The following GRID2 variants were observed in gnomAD, a reference collection of about 807,000 sequenced individuals.
The protein encoded by GRID2 is glutamate ionotropic receptor delta type subunit 2.
A neutral mutation model predicts 114.8 loss-of-function variants in GRID2; 33 were observed. The ratio of observed to expected loss-of-function variants is 0.29; its 90% CI spans 0.22 to 0.38. The LOEUF is 0.38. Ranked by LOEUF, GRID2 falls within the 10% of genes least tolerant of loss-of-function variation. GRID2 has a pLI of 1.00. For missense variants in GRID2, 1,184 were observed against 1,257.7 expected, an observed-to-expected ratio of 0.94 and a Z score of 0.89; for synonymous variants, 505 against 449.9, an observed-to-expected ratio of 1.12 and a Z score of -1.55.
chr4:92,758,481 A>G (rs1737836356), intron 2 of GRID2, among the ~76,000 whole-genome samples: 1 of 152,030 alleles, frequency 6.6e-6, no homozygotes, highest in African/African-American at 2.4e-5. Context: ...TGAACTTTTG[A>G]GTCAAATAGG....
intron 2 of GRID2, among the ~76,000 whole-genome samples, chr4:92,858,931 C>CT (rs1255441293): frequency 2.6e-5 from 4 of 152,248 alleles, no homozygotes; most frequent in African/African-American, 9.6e-5. Flanking sequence ...GGTGAATATA[C>CT]TTTGAACATT....
At chr4:93,423,760 C>T (rs1450042269) in intron 10 of GRID2, among the ~76,000 whole-genome samples, 3 of 152,054 alleles carry the variant, frequency 2.0e-5, no homozygotes, top group Non-Finnish European at 4.4e-5. Flanking sequence ...GAATCTGCTT[C>T]AGTTTTTTGA....
chr4:93,715,852 A>G (rs1728859717), intron 14 of GRID2, among the ~76,000 whole-genome samples: 1 of 152,166 alleles, frequency 6.6e-6, no homozygotes, highest in Non-Finnish European at 1.5e-5. Flanking sequence ...GGTTTTCTAG[A>G]TATAGAATCA....
At chr4:93,725,653 T>A (rs1729801540) in intron 14 of GRID2, among the ~76,000 whole-genome samples, 1 of 148,072 alleles carries the variant, frequency 6.8e-6, no homozygotes, top group Non-Finnish European at 1.5e-5. Flanking sequence ...CTTTGTTCCC[T>A]GACTTTTTAA....
chr4:93,070,492 A>G (rs2149304444), intron 2 of GRID2, among the ~76,000 whole-genome samples: 1 of 152,234 alleles, frequency 6.6e-6, no homozygotes, highest in African/African-American at 2.4e-5. Context: ...GATTATCAAA[A>G]AATTGTAATA....
chr4:93,196,354 C>T (rs941360454), intron 4 of GRID2, among the ~76,000 whole-genome samples: 1 of 152,154 alleles, frequency 6.6e-6, no homozygotes. Flanking sequence ...GGAAGACGGA[C>T]ATGGAAATTC....
chr4:93,733,720 C>T (rs888224439), intron 14 of GRID2, among the ~76,000 whole-genome samples: 2 of 151,990 alleles, frequency 1.3e-5, no homozygotes, highest in African/African-American at 2.4e-5. Context: ...AAAAAGTAAC[C>T]ACAGATTAGA....
chr4:92,745,119 T>G (rs1213692823), intron 2 of GRID2, among the ~76,000 whole-genome samples: 1 of 152,166 alleles, frequency 6.6e-6, no homozygotes, highest in Non-Finnish European at 1.5e-5. Context: ...AAACATAACA[T>G]GAGTGGAAAC....
intron 14 of GRID2, among the ~76,000 whole-genome samples, chr4:93,692,014 G>T (rs1038614777): frequency 1.3e-5 from 2 of 151,874 alleles, no homozygotes; most frequent in African/African-American, 2.4e-5. Context: ...GCTCAGTATT[G>T]TTCTAGGAAT....
At chr4:93,654,494 G>A (rs1258425484) in intron 14 of GRID2, among the ~76,000 whole-genome samples, 1 of 152,066 alleles carries the variant, frequency 6.6e-6, no homozygotes, top group Non-Finnish European at 1.5e-5. Context: ...GTCACAGCAG[G>A]CTTTTTCTGA....
intron 2 of GRID2, among the ~76,000 whole-genome samples, chr4:92,722,368 G>C (rs891377833): frequency 6.6e-6 from 1 of 152,072 alleles, no homozygotes; most frequent in Non-Finnish European, 1.5e-5. Context: ...CAGAGTGGGA[G>C]CCTTACCTCA....
At chr4:93,257,000 G>A (rs1242840849) in intron 8 of GRID2, among the ~76,000 whole-genome samples, 1 of 151,744 alleles carries the variant, frequency 6.6e-6, no homozygotes, top group Non-Finnish European at 1.5e-5. Context: ...AATATTATTT[G>A]CTTATTTTTT....
intron 1 of GRID2, among the ~76,000 whole-genome samples, chr4:92,495,322 A>G (rs1356158493): frequency 5.9e-5 from 9 of 152,000 alleles, no homozygotes; most frequent in Non-Finnish European, 1.3e-4. Context: ...ATCTAGGGCT[A>G]GTCGCTATGG....
intron 1 of GRID2, among the ~76,000 whole-genome samples, chr4:92,520,757 G>C (rs982108906): frequency 5.9e-5 from 9 of 151,950 alleles, no homozygotes; most frequent in Non-Finnish European, 1.0e-4. Flanking sequence ...TGCGTGAGGA[G>C]CTCAAAGTGG....
At chr4:93,080,154 T>C (rs1296829855) in intron 2 of GRID2, among the ~76,000 whole-genome samples, 1 of 152,174 alleles carries the variant, frequency 6.6e-6, no homozygotes, top group Non-Finnish European at 1.5e-5. Flanking sequence ...CTGGGTAAGC[T>C]GAAATTGTTT....
At chr4:93,672,748 A>T (rs1724536787) in intron 14 of GRID2, among the ~76,000 whole-genome samples, 1 of 152,232 alleles carries the variant, frequency 6.6e-6, no homozygotes, top group African/African-American at 2.4e-5. Flanking sequence ...TACCACAGCC[A>T]TCTAACCAAT....
chr4:92,968,754 C>T (rs190206210), intron 2 of GRID2, among the ~76,000 whole-genome samples: 109 of 151,928 alleles, frequency 7.2e-4, no homozygotes, highest in South Asian at 1.5e-3. Context: ...ACTCCACCCA[C>T]GTCCCCTAGC....
chr4:92,934,714 A>G (rs986938592), intron 2 of GRID2, among the ~76,000 whole-genome samples: 2 of 146,660 alleles, frequency 1.4e-5, no homozygotes, highest in African/African-American at 2.4e-5. Context: ...AACAGAACAG[A>G]GCCCTCAGAA....
chr4:93,560,247 A>AAAAAAAC, intron 13 of GRID2, among the ~76,000 whole-genome samples: 1 of 150,438 alleles, frequency 6.6e-6, no homozygotes, highest in Non-Finnish European at 1.5e-5. Flanking sequence ...AAAAAAAAAA[A>AAAAAAAC]AAAAAACAGA....
Sources: allele counts gnomAD v4.1 joint callset (sites outside exome capture counted in the v4.1 genomes callset), GRCh38; gene constraint gnomAD v4.1.1; transcripts MANE v1.5; gene names NCBI Gene and HGNC (gene_info 2026-07-23, HGNC 2026-07-21).